BRAP: variants seen among roughly 807,000 people sequenced by gnomAD.
BRAP encodes BRCA1-associated protein.
Under a neutral mutation model 73.4 loss-of-function variants are expected in BRAP, and 42 were observed. The observed-to-expected ratio is 0.57, with a 90% CI of 0.45 to 0.74. The LOEUF is 0.74. Ranked by LOEUF, BRAP falls within the 30% of genes least tolerant of loss-of-function variation. The pLI is 0.00. For missense variants in BRAP, 593 were observed against 751.4 expected (o/e 0.79, Z 2.46); for synonymous variants, 255 against 267.4 (o/e 0.95, Z 0.45).
At chr12:111,660,751 C>T in intron 6 of BRAP, 76 bp from the exon 7 acceptor site, 1 of 1,283,996 alleles carries the variant, frequency 7.8e-7, no homozygotes, top group Non-Finnish European at 1.1e-6. Context: ...AAGTCAAACA[C>T]TGGATTTTAT....
chr12:111,683,270 TGTC>T lies in BRAP; in HGVS notation c.117_119del (p.Thr40del). Reference sequence around the variant, plus strand: ...CTAAACAGGCTACAGCTGAGGCTAGTGTCGTCTTTTTTATCTCCTCATCAGACA... The same window carrying T: ...CTAAACAGGCTACAGCTGAGGCTAGTGTCTTTTTTATCTCCTCATCAGACA... On this transcript the variant is annotated inframe_deletion, in exon 2 of 12. Transcript: ENST00000419234. The T allele has an allele frequency of 6.2e-7, 1 of 1,613,032 alleles. No individual in the cohort carries two copies. Among genetic ancestry groups the T allele is most frequent in the Non-Finnish European group, 8.5e-7 (1 of 1,179,784 alleles).
In BRAP at chr12:111,682,566, A is replaced by G. The variant is rs993035102; in HGVS notation, c.244+580T>C. 3.3e-5 allele frequency among the ~76,000 whole-genome samples: 5 copies of G among 151,712 alleles called. No individual in the cohort carries two copies. The East Asian group carries it at 7.7e-4, about 24-fold the overall frequency. On this transcript the variant is annotated intron_variant, in intron 2 of 11. Transcript: ENST00000419234. ...AGCTGGCAGAGCAGGGGAAGGCACG[A>G]CATGTTTATTTGGACACATTAATGA...
At chr12:111,669,556 C>T (rs1184488157) in intron 5 of BRAP, among the ~76,000 whole-genome samples, 2 of 152,038 alleles carry the variant, frequency 1.3e-5, no homozygotes, top group African/African-American at 2.4e-5. Context: ...TAATAGTTGT[C>T]TCTAAAAATA....
chr12:111,672,982 T>A, intron 4 of BRAP: 1 of 498,958 alleles, frequency 2.0e-6, no homozygotes, highest in Non-Finnish European at 3.5e-6. Context: ...TTACAGTATT[T>A]CCTGGGCTAC....
chr12:111,668,750 G>A lies in BRAP; in HGVS notation c.748-2963C>T, dbSNP rs574215307. On this transcript the variant is annotated intron_variant, in intron 5 of 11. Coordinates refer to ENST00000419234, the MANE Select transcript of BRAP (RefSeq NM_006768.5). The stretch of plus-strand genomic sequence containing the variant: ...CGGCTCACTGCAAGCTCCGCCTCCC[G>A]GGTTCACGCCATTCTCCTGCCTCAG... 3.0e-4 allele frequency among the ~76,000 whole-genome samples: 45 copies of A among 151,738 alleles called. 1 individual carries two copies. The East Asian group carries it at 7.9e-3, about 27-fold the overall frequency.
chr12:111,681,488 G>T, intron 3 of BRAP, 149 bp downstream of exon 3: 1 of 598,456 alleles, frequency 1.7e-6, no homozygotes, highest in Non-Finnish European at 2.7e-6. Flanking sequence ...TAAAACATCT[G>T]AGAATTCTCT....
chr12:111,680,171 G>T (rs985564381), intron 3 of BRAP, among the ~76,000 whole-genome samples: 1 of 151,254 alleles, frequency 6.6e-6, no homozygotes, highest in Non-Finnish European at 1.5e-5. Context: ...TGGCCAGGCT[G>T]GTTTCGAACT....
intron 3 of BRAP, among the ~76,000 whole-genome samples, chr12:111,681,346 G>A (rs1887592356): frequency 6.6e-6 from 1 of 151,372 alleles, no homozygotes; most frequent in Non-Finnish European, 1.5e-5. Flanking sequence ...CTCCAGCCTG[G>A]GCAACGAGAC....
At chr12:111,682,215 C>T (rs1342939186) in intron 2 of BRAP, among the ~76,000 whole-genome samples, 1 of 152,210 alleles carries the variant, frequency 6.6e-6, no homozygotes, top group African/African-American at 2.4e-5. Context: ...TACACATCCA[C>T]TTCCGCAGAT....
At chr12:111,668,813 C>T (rs1036354018) in intron 5 of BRAP, among the ~76,000 whole-genome samples, 2 of 152,036 alleles carry the variant, frequency 1.3e-5, no homozygotes, top group South Asian at 2.1e-4. Context: ...CCCACCACAA[C>T]GCCTAGCTAA....
intron 9 of BRAP, 91 bp from the exon 10 acceptor site, chr12:111,655,746 G>A: frequency 9.3e-7 from 1 of 1,073,390 alleles, no homozygotes; most frequent in Non-Finnish European, 1.4e-6. Flanking sequence ...ATGATCCACA[G>A]AAAACTAAAA....
intron 9 of BRAP, 77 bp from the exon 10 acceptor site, chr12:111,655,732 T>C (rs1886503766): frequency 1.6e-6 from 2 of 1,212,400 alleles, no homozygotes; most frequent in African/African-American, 1.5e-5. Context: ...AAATCTGATA[T>C]TTAATGATCC....
Position 111,665,917 on chromosome 12 carries a change from A to AT in BRAP, c.748-131dup. The AT allele has an allele frequency of 7.8e-7, 1 of 1,277,460 alleles. No homozygotes were observed. The highest frequency in any genetic ancestry group is 2.5e-5 in the East Asian group (1 of 39,666). The allele number at this position is 1,277,460 out of a possible 1,614,324, so 79.1% of individuals were successfully genotyped here. A position where few individuals can be genotyped will look rare whatever the true frequency, so the allele number is the denominator to read the frequency against. ...GAGCCCAGTGGCGCAATCATGGCTC[A>AT]TTACAGCCTTGACCTCCCAGGCTCA... On this transcript the variant is annotated intron_variant, in intron 5 of 11. Coordinates refer to ENST00000419234, the MANE Select transcript of BRAP (RefSeq NM_006768.5). The surrounding 1 kb of genome is among the most constrained non-coding windows in gnomAD (Gnocchi z 4.3).
intron 10 of BRAP, among the ~76,000 whole-genome samples, chr12:111,650,343 G>A (rs916705910): frequency 5.3e-5 from 8 of 152,108 alleles, no homozygotes; most frequent in Non-Finnish European, 1.2e-4. Flanking sequence ...TTGGCTCACT[G>A]CAACCTCCCG....
In BRAP at chr12:111,644,157, T is replaced by C. The variant is rs1261441300; in HGVS notation, c.*42A>G. 6.3e-7 allele frequency: 1 copy of C among 1,579,844 alleles called. No homozygotes were observed. Among genetic ancestry groups the C allele is most frequent in the African/African-American group, 1.3e-5 (1 of 74,732 alleles). The stretch of plus-strand genomic sequence containing the variant: ...TGAAGGTCCCAGCACACTCTCACAG[T>C]GTCAGGGAGAACAGTCTCAGGGATG... On this transcript the variant is annotated 3_prime_UTR_variant, in exon 12 of 12. Transcript: ENST00000419234.
At chr12:111,648,527 A>G (rs1319664896) in intron 11 of BRAP, among the ~76,000 whole-genome samples, 2 of 139,498 alleles carry the variant, frequency 1.4e-5, no homozygotes, top group Non-Finnish European at 1.5e-5. Context: ...CAGGAGAATC[A>G]CTTGAATCCG....
intron 9 of BRAP, among the ~76,000 whole-genome samples, chr12:111,655,996 T>C (rs1194768570): frequency 6.6e-6 from 1 of 152,164 alleles, no homozygotes; most frequent in Non-Finnish European, 1.5e-5. Flanking sequence ...AGCAGTCCTG[T>C]CCCATCCTGT....
Position 111,683,325 on chromosome 12 carries a change from G to A in BRAP, c.83-18C>T. The A allele has an allele frequency of 6.2e-7, 1 of 1,600,712 alleles. No homozygotes were observed. Among genetic ancestry groups the A allele is most frequent in the South Asian group, 1.1e-5 (1 of 88,966 alleles). On this transcript the variant is annotated intron_variant, in intron 1 of 11. Transcript: ENST00000419234. ...TTCCCCGGCTAAAGAACACATGAAT[G>A]ATTAATACAAGGTAATAAAACAAGC...
chr12:111,664,627 G>T (rs1003120440), intron 6 of BRAP, among the ~76,000 whole-genome samples: 1 of 152,192 alleles, frequency 6.6e-6, no homozygotes, highest in African/African-American at 2.4e-5. Context: ...TGTGTGCCAC[G>T]TCCCCCACCA....
Sources: allele counts gnomAD v4.1 joint callset (sites outside exome capture counted in the v4.1 genomes callset), GRCh38; gene constraint gnomAD v4.1.1; non-coding constraint Gnocchi (gnomAD v3.1); transcripts MANE v1.5; gene names NCBI Gene and HGNC (gene_info 2026-07-23, HGNC 2026-07-21).